Variants in MTREX observed in about 807,000 individuals in gnomAD.
MTREX encodes Mtr4 exosome RNA helicase, also known as exosome RNA helicase MTR4.
In MTREX, 76 loss-of-function variants were observed where a neutral mutation model predicts 135.4. That is an observed-to-expected ratio of 0.56 (90% CI 0.47 to 0.68). The LOEUF is 0.68. Among genes scored for constraint, MTREX ranks in the 30% least tolerant of loss-of-function variants. The pLI is 0.00. For missense variants in MTREX, 920 were observed against 1,262.1 expected (o/e 0.73, Z 4.11); for synonymous variants, 404 against 401.6 (o/e 1.01, Z -0.07).
At chr5:55,317,682 AC>A (rs1749221103) in intron 1 of MTREX, among the ~76,000 whole-genome samples, 1 of 152,244 alleles carries the variant, frequency 6.6e-6, no homozygotes, top group Admixed American at 6.5e-5. Context: ...TCCCTGAAAG[AC>A]AACTAGGCAG....
Position 55,359,094 on chromosome 5 carries a change from C to T in MTREX, c.1659+396C>T, listed in dbSNP as rs1028763986. On this transcript the variant is annotated intron_variant, in intron 15 of 26. Coordinates refer to ENST00000230640, the MANE Select transcript of MTREX (RefSeq NM_015360.5). Reference sequence around the variant, plus strand: ...AATGAGCTTCCTCTACCTTTGCAAGCGCAGATAGCTTAATAGGTTAATTCA... The same window carrying T: ...AATGAGCTTCCTCTACCTTTGCAAGTGCAGATAGCTTAATAGGTTAATTCA... Among the ~76,000 whole-genome samples, 6 of 152,190 alleles carry T rather than the reference C, an allele frequency of 3.9e-5. No individual in the cohort carries two copies. The South Asian group carries it at 6.2e-4, about 16-fold the overall frequency.
intron 23 of MTREX, 59 bp from the exon 24 acceptor site, chr5:55,414,123 T>C: frequency 7.9e-7 from 1 of 1,270,764 alleles, no homozygotes; most frequent in Non-Finnish European, 1.1e-6. Flanking sequence ...ACGGGTAGTG[T>C]GAAAAACCAG....
intron 19 of MTREX, among the ~76,000 whole-genome samples, chr5:55,395,498 G>A (rs1750633110): frequency 6.6e-6 from 1 of 152,176 alleles, no homozygotes; most frequent in Non-Finnish European, 1.5e-5. Flanking sequence ...AGAATCATCC[G>A]TGGATGCTGA....
Position 55,425,352 on chromosome 5 carries a change from T to G in MTREX, c.*580T>G, listed in dbSNP as rs766004215. On this transcript the variant is annotated 3_prime_UTR_variant, in exon 27 of 27. Transcript: ENST00000230640. The stretch of plus-strand genomic sequence containing the variant: ...TATACAGCCTACAGTGCAAAATATT[T>G]AATGGTATAATTTAGATCAAGTTAA... 9.9e-5 allele frequency: 156 copies of G among 1,573,296 alleles called. No homozygotes were observed. In the South Asian group the frequency reaches 1.6e-3, roughly 16 times the overall value.
At chr5:55,405,397 ACTTT>A (rs761813255) in intron 21 of MTREX, 24 bp from the exon 22 acceptor site, 28 of 1,571,648 alleles carry the variant, frequency 1.8e-5, no homozygotes, top group Non-Finnish European at 2.2e-5. Flanking sequence ...TTATTATTGA[ACTTT>A]CTTTATACTT....
Position 55,328,688 on chromosome 5 carries a change from T to C in MTREX, c.403-11T>C. On this transcript the variant is annotated splice_polypyrimidine_tract_variant and intron_variant, in intron 4 of 26. Transcript: ENST00000230640. ...TGTTTTTATGCAGATATTAATGTTT[T>C]GTTTTTATAGGAATACCCGTTCATT... 6.3e-7 allele frequency: 1 copy of C among 1,576,528 alleles called. No individual in the cohort carries two copies. Among genetic ancestry groups the C allele is most frequent in the South Asian group, 1.1e-5 (1 of 89,796 alleles).
intron 14 of MTREX, 54 bp from the exon 15 acceptor site, chr5:55,358,519 A>G (rs1385021216): frequency 3.5e-6 from 5 of 1,429,722 alleles, no homozygotes; most frequent in African/African-American, 2.9e-5. Flanking sequence ...TTTTAAGAAT[A>G]TGTTTTTTAC....
In MTREX at chr5:55,380,045, C is replaced by T. The variant is rs375465445; in HGVS notation, c.2052+850C>T. On this transcript the variant is annotated intron_variant, in intron 18 of 26. Transcript: ENST00000230640. ...CCGCCTCCCGGTTTCATGCCATTCT[C>T]CTGCCTCAGCCTCCTGAGCAGCTGG... 3.9e-3 allele frequency among the ~76,000 whole-genome samples: 587 copies of T among 152,300 alleles called. 1 individual carries two copies. Among genetic ancestry groups the T allele is most frequent in the Non-Finnish European group, 6.8e-3 (460 of 68,026 alleles).
intron 23 of MTREX, among the ~76,000 whole-genome samples, chr5:55,412,556 G>A (rs1001407495): frequency 6.6e-6 from 1 of 152,164 alleles, no homozygotes; most frequent in African/African-American, 2.4e-5. Context: ...TTGGAGAAAA[G>A]TGAGAAGAAT....
chr5:55,368,656 A>G (rs1281297778), intron 16 of MTREX, among the ~76,000 whole-genome samples: 2 of 152,206 alleles, frequency 1.3e-5, no homozygotes, highest in African/African-American at 2.4e-5. Flanking sequence ...CAGTGGTACG[A>G]TCACAACTCA....
At chr5:55,339,910 A>G (rs13436164) in intron 5 of MTREX, 100 bp from the exon 6 acceptor site, 84,359 of 798,728 alleles carry the variant, frequency 0.11, 5,555 homozygotes, top group East Asian at 0.26. Flanking sequence ...TTCAAGATAA[A>G]TAATTAGGGA....
chr5:55,338,878 C>A (rs955361340), intron 5 of MTREX, among the ~76,000 whole-genome samples: 5 of 149,394 alleles, frequency 3.3e-5, no homozygotes, highest in African/African-American at 9.9e-5. Flanking sequence ...GCAGCCTCCA[C>A]CTCCTGGATT....
chr5:55,368,019 T>G (rs1425818362), intron 16 of MTREX, among the ~76,000 whole-genome samples: 2 of 152,208 alleles, frequency 1.3e-5, no homozygotes, highest in African/African-American at 4.8e-5. Flanking sequence ...AAGGCAAAAT[T>G]TAGATGTGGA....
At chr5:55,402,035 A>G (rs1750729821) in intron 21 of MTREX, among the ~76,000 whole-genome samples, 1 of 152,244 alleles carries the variant, frequency 6.6e-6, no homozygotes, top group Non-Finnish European at 1.5e-5. Context: ...TGTCTTTATA[A>G]AGTAAATGCC....
intron 5 of MTREX, among the ~76,000 whole-genome samples, chr5:55,337,269 C>T (rs1168605550): frequency 1.3e-5 from 2 of 152,002 alleles, no homozygotes; most frequent in Non-Finnish European, 2.9e-5. Flanking sequence ...TACAGACGTG[C>T]GCTACCACAC....
intron 25 of MTREX, among the ~76,000 whole-genome samples, chr5:55,417,989 C>A (rs549297172): frequency 1.1e-3 from 165 of 151,358 alleles, no homozygotes; most frequent in Admixed American, 2.8e-3. Context: ...AATCCCAACA[C>A]TTTGGGAGGC....
At chr5:55,401,715 TTTAGCATAA>T (rs1268955309) in intron 21 of MTREX, among the ~76,000 whole-genome samples, 2 of 152,248 alleles carry the variant, frequency 1.3e-5, no homozygotes, top group African/African-American at 2.4e-5. Context: ...AGTTCAGCTT[TTTAGCATAA>T]TTAGCTGTAA....
chr5:55,322,107 T>C (rs1489385013), intron 1 of MTREX, among the ~76,000 whole-genome samples: 1 of 152,220 alleles, frequency 6.6e-6, no homozygotes, highest in East Asian at 1.9e-4. Flanking sequence ...TTTAAGATAA[T>C]TTTAAACCGT....
chr5:55,394,974 A>T (rs1270039739), intron 19 of MTREX, among the ~76,000 whole-genome samples: 1 of 151,888 alleles, frequency 6.6e-6, no homozygotes, highest in Non-Finnish European at 1.5e-5. Context: ...CGGAGATTGC[A>T]GTGAACCGAG....
Sources: allele counts gnomAD v4.1 joint callset (sites outside exome capture counted in the v4.1 genomes callset), GRCh38; gene constraint gnomAD v4.1.1; transcripts MANE v1.5; gene names NCBI Gene and HGNC (gene_info 2026-07-23, HGNC 2026-07-21).